Variants in IL1RAPL1 observed in about 807,000 individuals in gnomAD.
IL1RAPL1 encodes interleukin 1 receptor accessory protein like 1.
A neutral mutation model predicts 48.4 loss-of-function variants in IL1RAPL1; 3 were observed. The ratio of observed to expected loss-of-function variants is 0.06; its 90% CI spans 0.03 to 0.16. IL1RAPL1 has a LOEUF of 0.16. Ranked by LOEUF, IL1RAPL1 falls within the 10% of genes least tolerant of loss-of-function variation. The pLI is 1.00. For missense variants in IL1RAPL1, 349 were observed against 530.6 expected (o/e 0.66, Z 3.36); for synonymous variants, 185 against 187.7 (o/e 0.99, Z 0.12).
At chrX:29,586,756 A>C (rs7061614) in intron 5 of IL1RAPL1, among the ~76,000 whole-genome samples, 3,531 of 110,520 alleles carry the variant, frequency 0.032, 137 homozygotes, top group African/African-American at 0.11. Flanking sequence ...TTGCCTCCTT[A>C]AGTTTATTCC....
intron 6 of IL1RAPL1, among the ~76,000 whole-genome samples, chrX:29,804,321 T>C (rs930548625): frequency 5.4e-5 from 6 of 111,065 alleles, no homozygotes; most frequent in African/African-American, 2.0e-4. Context: ...GTATTCAGGG[T>C]ATGATCCATA....
At chrX:28,981,040 A>G (rs1413056326) in intron 2 of IL1RAPL1, among the ~76,000 whole-genome samples, 1 of 86,689 alleles carries the variant, frequency 1.2e-5, no homozygotes, top group East Asian at 4.1e-4. Context: ...GCCGTGAACT[A>G]TGGTTGTGCC....
chrX:28,649,305 G>A (rs946936168), intron 1 of IL1RAPL1, among the ~76,000 whole-genome samples: 27 of 112,147 alleles, frequency 2.4e-4, no homozygotes, highest in African/African-American at 8.4e-4. Flanking sequence ...AAATTAATAA[G>A]CTTTTAAGTA....
At chrX:29,372,514 C>T (rs781262931) in intron 3 of IL1RAPL1, among the ~76,000 whole-genome samples, 3 of 111,401 alleles carry the variant, frequency 2.7e-5, no homozygotes, top group Admixed American at 9.6e-5. Flanking sequence ...AGGCTGTTTC[C>T]TAGGTTTTCT....
At chrX:29,274,382 A>T (rs1467356249) in intron 2 of IL1RAPL1, among the ~76,000 whole-genome samples, 1 of 107,365 alleles carries the variant, frequency 9.3e-6, no homozygotes, top group African/African-American at 3.8e-5. Context: ...GGCATCACTT[A>T]AAAAATGGTT....
intron 1 of IL1RAPL1, among the ~76,000 whole-genome samples, chrX:28,732,014 G>A (rs1935761603): frequency 9.0e-6 from 1 of 111,151 alleles, no homozygotes; most frequent in Non-Finnish European, 1.9e-5. Context: ...ATCATAAGGA[G>A]CTGGAGTCTG....
At chrX:29,276,558 T>C (rs1932122211) in intron 2 of IL1RAPL1, among the ~76,000 whole-genome samples, 1 of 96,795 alleles carries the variant, frequency 1.0e-5, no homozygotes, top group South Asian at 4.1e-4. Flanking sequence ...TCAATACTCA[T>C]TTAAGTGAAC....
intron 2 of IL1RAPL1, among the ~76,000 whole-genome samples, chrX:28,965,314 G>T (rs945203683): frequency 9.0e-6 from 1 of 111,035 alleles, no homozygotes; most frequent in East Asian, 2.8e-4. Flanking sequence ...ACAGAATTTG[G>T]GTTAGGTTCC....
intron 2 of IL1RAPL1, among the ~76,000 whole-genome samples, chrX:28,978,947 T>C (rs1267611195): frequency 1.8e-5 from 2 of 111,711 alleles, no homozygotes; most frequent in Non-Finnish European, 3.8e-5. Flanking sequence ...CAAAGTGTTG[T>C]TGGAATGGGG....
At chrX:29,042,027 G>A (rs1926857437) in intron 2 of IL1RAPL1, among the ~76,000 whole-genome samples, 1 of 111,566 alleles carries the variant, frequency 9.0e-6, no homozygotes, top group East Asian at 2.8e-4. Flanking sequence ...AACCTAATTT[G>A]TAGTGTCTCT....
chrX:29,816,530 C>T (rs1930495999), intron 6 of IL1RAPL1, among the ~76,000 whole-genome samples: 1 of 109,290 alleles, frequency 9.1e-6, no homozygotes, highest in Admixed American at 9.7e-5. Flanking sequence ...TGAAACTATT[C>T]CAAAAAAAAA....
At chrX:29,387,020 T>C (rs1888726096) in intron 3 of IL1RAPL1, among the ~76,000 whole-genome samples, 1 of 112,339 alleles carries the variant, frequency 8.9e-6, no homozygotes, top group African/African-American at 3.2e-5. Context: ...TAAGGAAAGA[T>C]ATGCTGCATA....
At chrX:28,893,979 C>T (rs1027130757) in intron 2 of IL1RAPL1, among the ~76,000 whole-genome samples, 4 of 111,885 alleles carry the variant, frequency 3.6e-5, no homozygotes, top group African/African-American at 9.7e-5. Flanking sequence ...CTTGTCTAGC[C>T]ACCTTATCAG....
chrX:28,613,025 A>C (rs1480050399), intron 1 of IL1RAPL1, among the ~76,000 whole-genome samples: 1 of 111,697 alleles, frequency 9.0e-6, no homozygotes, highest in Non-Finnish European at 1.9e-5. Context: ...TGTCATATAG[A>C]TCTATGATGA....
chrX:29,155,685 C>T (rs1183068158), intron 2 of IL1RAPL1, among the ~76,000 whole-genome samples: 1 of 111,623 alleles, frequency 9.0e-6, no homozygotes, highest in Non-Finnish European at 1.9e-5. Context: ...TAAAATAGAA[C>T]CTTGAATATG....
intron 5 of IL1RAPL1, among the ~76,000 whole-genome samples, chrX:29,531,335 A>C (rs1458488475): frequency 8.9e-6 from 1 of 111,882 alleles, no homozygotes; most frequent in African/African-American, 3.2e-5. Context: ...TCAAAAACAC[A>C]AGTTGTGAGT....
Position 29,567,109 on chromosome X carries a change from A to G in IL1RAPL1, c.704-101321A>G, listed in dbSNP as rs188553049. The stretch of plus-strand genomic sequence containing the variant: ...ATAAGAGTAGAGTCCACTGTTTAAA[A>G]GTATGCATTGAATGCCCAGTATGAT... On this transcript the variant is annotated intron_variant, in intron 5 of 10. Transcript: ENST00000378993. 4.9e-3 allele frequency among the ~76,000 whole-genome samples: 547 copies of G among 111,469 alleles called. 3 individuals carry two copies. The highest frequency in any genetic ancestry group is 0.017 in the African/African-American group (514 of 30,734).
At chrX:29,902,839 A>G (rs1211016392) in intron 6 of IL1RAPL1, among the ~76,000 whole-genome samples, 1 of 111,520 alleles carries the variant, frequency 9.0e-6, no homozygotes, top group Admixed American at 9.6e-5. Flanking sequence ...TATAAAATCT[A>G]TTTTCATAAA....
At chrX:29,445,638 C>T (rs950251475) in intron 5 of IL1RAPL1, among the ~76,000 whole-genome samples, 8 of 111,909 alleles carry the variant, frequency 7.1e-5, no homozygotes, top group Non-Finnish European at 1.3e-4. Context: ...AAGAGAAAAC[C>T]TACAAGGAAG....
Sources: gnomAD v4.1 joint callset for allele counts (sites outside exome capture counted in the v4.1 genomes callset) on GRCh38, gnomAD v4.1.1 for gene constraint, MANE v1.5 for transcripts, NCBI Gene and HGNC (gene_info 2026-07-23, HGNC 2026-07-21) for gene names.